SLC39A9: variants seen among roughly 807,000 people sequenced by gnomAD.
The protein encoded by SLC39A9 is zinc transporter ZIP9.
A neutral mutation model predicts 28.4 loss-of-function variants in SLC39A9; 14 were observed. The observed-to-expected ratio is 0.49, with a 90% CI of 0.33 to 0.77. The LOEUF (loss-of-function observed/expected upper bound fraction) is 0.77. Ranked by LOEUF, SLC39A9 falls within the 30% of genes least tolerant of loss-of-function variation. The probability of loss-of-function intolerance (pLI) is 0.02; values close to 1 mark genes in which losing one functional copy is unlikely to be tolerated. For missense variants in SLC39A9, 283 were observed against 381.1 expected, an observed-to-expected ratio of 0.74 and a Z score of 2.14; for synonymous variants, 119 against 149.6, an observed-to-expected ratio of 0.80 and a Z score of 1.49.
chr14:69,410,286 C>T (rs1273924778), intron 1 of SLC39A9, among the ~76,000 whole-genome samples: 1 of 152,228 alleles, frequency 6.6e-6, no homozygotes, highest in Admixed American at 6.5e-5. Context: ...TTATATGCCC[C>T]TGGCAACATG....
At position 69,457,412 on chromosome 14, in the gene SLC39A9, A is replaced by G. The variant is rs1885920123; in HGVS notation, c.694-951A>G. ...GAGACAGGGTTTCACCATGTTGGCC[A>G]GGCTGGTCTCGAACTCCTGACCTCG... On this transcript the variant is annotated intron_variant, in intron 6 of 6. Coordinates refer to ENST00000336643, the MANE Select transcript of SLC39A9 (RefSeq NM_018375.5). Among the ~76,000 whole-genome samples, 3 of 151,832 alleles carry G rather than the reference A, an allele frequency of 2.0e-5. No individual in the cohort carries two copies. The South Asian group carries it at 6.3e-4, about 32-fold the overall frequency.
chr14:69,446,224 G>T (rs1885292691), intron 3 of SLC39A9, among the ~76,000 whole-genome samples: 2 of 151,656 alleles, frequency 1.3e-5, no homozygotes, highest in South Asian at 4.2e-4. Context: ...GGAATTGGAA[G>T]TATTGGACTC....
intron 6 of SLC39A9, among the ~76,000 whole-genome samples, chr14:69,457,477 A>G (rs1215538560): frequency 6.6e-6 from 1 of 152,208 alleles, no homozygotes; most frequent in Non-Finnish European, 1.5e-5. Context: ...CTGGGATTAC[A>G]GGCATGAGCC....
At position 69,410,632 on chromosome 14, in the gene SLC39A9, A is replaced by G. The variant is rs550964279; in HGVS notation, c.96+11167A>G. 3.3e-5 allele frequency among the ~76,000 whole-genome samples: 5 copies of G among 152,324 alleles called. No individual in the cohort carries two copies. In the East Asian group the frequency reaches 9.7e-4, roughly 29 times the overall value. On this transcript the variant is annotated intron_variant, in intron 1 of 6. Transcript: ENST00000336643. ...GTTTTCTTTATTATCTGTTACTAAC[A>G]CTTAGCAGCAGATAATGTAGTGGCT...
Position 69,461,162 on chromosome 14 carries a change from A to G in SLC39A9, c.*2569A>G, listed in dbSNP as rs1886095397. 3 of 987,158 alleles carry G rather than the reference A, an allele frequency of 3.0e-6. No individual in the cohort carries two copies. Among genetic ancestry groups the G allele is most frequent in the Non-Finnish European group, 3.6e-6 (3 of 831,170 alleles). 61.1% of individuals were successfully genotyped at this position (987,158 alleles called of 1,614,324 possible). A position where few individuals can be genotyped will look rare whatever the true frequency, so the allele number is the denominator to read the frequency against. On this transcript the variant is annotated 3_prime_UTR_variant, in exon 7 of 7. Coordinates refer to ENST00000336643, the MANE Select transcript of SLC39A9 (RefSeq NM_018375.5). Reference sequence around the variant, plus strand: ...GAATTATTGGCTACCAAAGAGACGCAATTGATGATGAGAAGCATGATTCTT... The same window carrying G: ...GAATTATTGGCTACCAAAGAGACGCGATTGATGATGAGAAGCATGATTCTT...
intron 2 of SLC39A9, among the ~76,000 whole-genome samples, chr14:69,433,557 T>C (rs1227857354): frequency 6.6e-6 from 1 of 152,192 alleles, no homozygotes; most frequent in East Asian, 1.9e-4. Context: ...ATTTGCAATC[T>C]TGGCCTGGCA....
chr14:69,407,284 TCCTTCCTTC>T (rs749213364), intron 1 of SLC39A9, among the ~76,000 whole-genome samples: 64 of 144,066 alleles, frequency 4.4e-4, no homozygotes, highest in African/African-American at 1.3e-3. Flanking sequence ...TTCTTTCCTT[TCCTTCCTTC>T]CCTTCCTTCC....
chr14:69,418,438 G>A (rs1196974789), intron 1 of SLC39A9, among the ~76,000 whole-genome samples: 1 of 151,842 alleles, frequency 6.6e-6, no homozygotes, highest in African/African-American at 2.4e-5. Flanking sequence ...TCTCTTTTTT[G>A]TTGTTGTCGT....
intron 1 of SLC39A9, among the ~76,000 whole-genome samples, chr14:69,407,255 G>A (rs2140249149): frequency 6.8e-6 from 1 of 146,376 alleles, no homozygotes; most frequent in South Asian, 2.2e-4. Flanking sequence ...TTTATCTGAC[G>A]TTAATTTCCT....
At chr14:69,422,109 C>A (rs1326116299) in intron 1 of SLC39A9, among the ~76,000 whole-genome samples, 1 of 152,184 alleles carries the variant, frequency 6.6e-6, no homozygotes, top group African/African-American at 2.4e-5. Flanking sequence ...GAGCTGCAGA[C>A]CGGAATTGTT....
At chr14:69,430,531 A>G (rs1884434204) in intron 2 of SLC39A9, among the ~76,000 whole-genome samples, 1 of 151,230 alleles carries the variant, frequency 6.6e-6, no homozygotes, top group South Asian at 2.1e-4. Flanking sequence ...ATTGATCTGT[A>G]TGTTTACCTT....
chr14:69,412,128 G>A (rs112987655), intron 1 of SLC39A9, among the ~76,000 whole-genome samples: 18,516 of 151,320 alleles, frequency 0.12, 1,357 homozygotes, highest in Middle Eastern at 0.24. Flanking sequence ...AGTGACTCAC[G>A]CCTGTAATCC....
At chr14:69,450,975 A>G (rs1250217409) in intron 3 of SLC39A9, among the ~76,000 whole-genome samples, 1 of 152,190 alleles carries the variant, frequency 6.6e-6, no homozygotes. Flanking sequence ...AAATGTATTT[A>G]TTAAATTTAT....
At chr14:69,455,934 G>A in intron 6 of SLC39A9, 68 bp downstream of exon 6, 2 of 1,557,900 alleles carry the variant, frequency 1.3e-6, no homozygotes, top group Non-Finnish European at 1.7e-6. Flanking sequence ...TGATCTCTTA[G>A]ATTGAATTTT....
At chr14:69,455,596 AG>A (rs1456477150) in intron 5 of SLC39A9, 135 bp from the exon 6 acceptor site, 1 of 1,174,736 alleles carries the variant, frequency 8.5e-7, no homozygotes, top group East Asian at 2.4e-5. Flanking sequence ...CTAGGATTAC[AG>A]GCATTAGCCA....
rs189660282 is a variant in SLC39A9 at position 69,461,726 on chromosome 14, G to C, written c.*3133G>C. 1 of 1,535,672 alleles carries C rather than the reference G, an allele frequency of 6.5e-7. No individual in the cohort carries two copies. Among genetic ancestry groups the C allele is most frequent in the East Asian group, 2.4e-5 (1 of 40,920 alleles). ...AGAACTAAGAGGACACACCAGCATC[G>C]GAGTGTATTAAGCCCCTGAAACACA... is the stretch of plus-strand genomic sequence containing the variant. On this transcript the variant is annotated 3_prime_UTR_variant, in exon 7 of 7. Transcript: ENST00000336643.
chr14:69,423,194 A>T (rs1883996881), intron 1 of SLC39A9, among the ~76,000 whole-genome samples: 1 of 152,222 alleles, frequency 6.6e-6, no homozygotes, highest in African/African-American at 2.4e-5. Flanking sequence ...TAAATATGAG[A>T]TTATCAATAC....
At chr14:69,413,829 C>G (rs993313968) in intron 1 of SLC39A9, among the ~76,000 whole-genome samples, 3 of 152,096 alleles carry the variant, frequency 2.0e-5, no homozygotes, top group Non-Finnish European at 4.4e-5. Context: ...CTAGCTTAGT[C>G]ATGTGATCTT....
At chr14:69,423,576 C>T (rs1270448695) in intron 1 of SLC39A9, among the ~76,000 whole-genome samples, 1 of 152,174 alleles carries the variant, frequency 6.6e-6, no homozygotes, top group Non-Finnish European at 1.5e-5. Context: ...GACATTTTCC[C>T]AAATCATTGT....
Sources: gnomAD v4.1 joint callset for allele counts (sites outside exome capture counted in the v4.1 genomes callset) on GRCh38, gnomAD v4.1.1 for gene constraint, MANE v1.5 for transcripts, NCBI Gene and HGNC (gene_info 2026-07-23, HGNC 2026-07-21) for gene names.